PHC2: variants seen among roughly 807,000 people sequenced by gnomAD.
The protein encoded by PHC2 is polyhomeotic-like protein 2.
A neutral mutation model predicts 87.4 loss-of-function variants in PHC2; 29 were observed. The observed-to-expected ratio is 0.33, with a 90% confidence interval of 0.25 to 0.45. The LOEUF (loss-of-function observed/expected upper bound fraction) is 0.45. Among genes scored for constraint, PHC2 ranks in the 20% least tolerant of loss-of-function variants. PHC2 has a pLI of 1.00. For missense variants in PHC2, 857 were observed against 1,136.7 expected (o/e 0.75, Z 3.54); for synonymous variants, 438 against 461.7 (o/e 0.95, Z 0.66).
intron 1 of PHC2, among the ~76,000 whole-genome samples, chr1:33,377,184 G>T (rs1325657777): frequency 1.3e-5 from 2 of 152,182 alleles, no homozygotes; most frequent in Non-Finnish European, 2.9e-5. Flanking sequence ...TAATCAATTA[G>T]ATGTGACAGG....
chr1:33,422,760 CTT>C (rs2148406809), intron 1 of PHC2, among the ~76,000 whole-genome samples: 1 of 152,256 alleles, frequency 6.6e-6, no homozygotes, highest in African/African-American at 2.4e-5. Flanking sequence ...TTCTCTCTCT[CTT>C]ACTAGGCGGA....
intron 7 of PHC2, among the ~76,000 whole-genome samples, chr1:33,362,752 C>A (rs1450682828): frequency 5.5e-5 from 5 of 91,624 alleles, no homozygotes; most frequent in Non-Finnish European, 1.0e-4. Flanking sequence ...CTGTTCCATT[C>A]TTGAAACTTA....
rs1646917243 is a variant in PHC2, at chr1:33,349,530, C to T, written c.1558+4871G>A. ...GGGCACCGAGGGCGGTGCCCGACTT[C>T]CAGTGCGGCGAGCGCGGCCCCCGGC... On this transcript the variant is annotated intron_variant, in intron 9 of 14. Coordinates refer to ENST00000683057, the MANE Select transcript of PHC2 (RefSeq NM_001385109.1). The surrounding 1 kb of genome is among the most constrained non-coding windows in gnomAD (Gnocchi z 4.2). 1.0e-6 allele frequency: 1 copy of T among 983,404 alleles called. No individual in the cohort carries two copies. Among genetic ancestry groups the T allele is most frequent in the African/African-American group, 1.7e-5 (1 of 57,146 alleles). The allele number at this position is 983,404 out of a possible 1,614,324, so 60.9% of individuals were successfully genotyped here. A position where few individuals can be genotyped will look rare whatever the true frequency, so the allele number is the denominator to read the frequency against.
chr1:33,333,945 G>C, intron 10 of PHC2, 145 bp downstream of exon 10: 1 of 699,830 alleles, frequency 1.4e-6, no homozygotes, highest in Non-Finnish European at 2.4e-6. Context: ...AGAAAGAAAT[G>C]GCTCTATATT....
chr1:33,396,538 T>C (rs1379643285), intron 1 of PHC2, among the ~76,000 whole-genome samples: 1 of 152,240 alleles, frequency 6.6e-6, no homozygotes, highest in Non-Finnish European at 1.5e-5. Context: ...ATCCCTATCT[T>C]GCTAATTAGC....
rs1646512476 is a variant in PHC2, at chr1:33,332,112, C to T, written c.1891+163G>A. Among the ~76,000 whole-genome samples the T allele has an allele frequency of 6.6e-6, 1 of 152,230 alleles. No individual in the cohort carries two copies. The highest frequency in any genetic ancestry group is 1.9e-4 in the East Asian group (1 of 5,200). On this transcript the variant is annotated intron_variant, in intron 11 of 14. Transcript: ENST00000683057. This position sits in a 1 kb window ranked among gnomAD's most constrained non-coding sequence, Gnocchi z 4.2. ...GGACACATGGTTCCCGTGATTTCCCCTATCCCTCTTTTTGAGGGAAGGAGG... is the reference window on the plus strand; with the variant it reads ...GGACACATGGTTCCCGTGATTTCCCTTATCCCTCTTTTTGAGGGAAGGAGG...
Position 33,368,558 on chromosome 1 carries a change from G to A in PHC2, c.641C>T (p.Ala214Val), listed in dbSNP as rs1273019893. The change falls in exon 6 of 15, where the codon GCC becomes GTC. Residue 214 changes from alanine (A) to valine (V), a missense_variant. This residue lies in a region of PHC2 where 832 missense variants were observed against 1,081.8 expected (regional missense o/e 0.77). Coordinates refer to ENST00000683057, the MANE Select transcript of PHC2 (RefSeq NM_001385109.1). This position sits in a 1 kb window ranked among gnomAD's most constrained non-coding sequence, Gnocchi z 6.6. ...CACCTGGGCGGGGGTGGGGGGCCGG[G>A]CGGGGGAGCCAGTGCCGAGCTCAGG... ...VQPELGTGSP[A>V]RPPTPAQVQN... The A allele has an allele frequency of 2.6e-6, 4 of 1,544,922 alleles. No homozygotes were observed. The highest frequency in any genetic ancestry group is 3.5e-6 in the Non-Finnish European group (4 of 1,143,420).
In PHC2 at chr1:33,354,913, G is replaced by C. The variant is rs116374358; in HGVS notation, c.1317C>G (p.Gly439=). 1 of 1,614,138 alleles carries C rather than the reference G, an allele frequency of 6.2e-7. No homozygotes were observed. Among genetic ancestry groups the C allele is most frequent in the Non-Finnish European group, 8.5e-7 (1 of 1,179,980 alleles). The change falls in exon 8 of 15, where the codon GGC becomes GGG. Residue 439 remains glycine, a synonymous_variant. Transcript: ENST00000683057. ...ACCTGCGTTGAGGGGTGTGGGGCAC[G>C]CCCTCGGGATGTCCATTCTGAGGCC... ...DTGPQNGHPE[G]VPHTPQRRFQ... is the part of the protein sequence containing the mutation.
At chr1:33,373,340 C>G (rs571803630) in intron 2 of PHC2, among the ~76,000 whole-genome samples, 1 of 152,088 alleles carries the variant, frequency 6.6e-6, no homozygotes. Context: ...AGGCTGGTCT[C>G]GAACTCCTGA....
intron 1 of PHC2, among the ~76,000 whole-genome samples, chr1:33,402,263 A>C (rs941441751): frequency 6.6e-6 from 1 of 152,230 alleles, no homozygotes; most frequent in African/African-American, 2.4e-5. Context: ...TGAAATTGGC[A>C]ACAATTCTAG....
At chr1:33,409,321 A>G (rs540074924) in intron 1 of PHC2, among the ~76,000 whole-genome samples, 1 of 152,224 alleles carries the variant, frequency 6.6e-6, no homozygotes. Context: ...ATATAATAGA[A>G]TATCATATTT....
chr1:33,333,923 A>C, intron 10 of PHC2, 167 bp downstream of exon 10: 1 of 649,782 alleles, frequency 1.5e-6, no homozygotes, highest in East Asian at 2.8e-5. Flanking sequence ...TGGACCTTGG[A>C]AAGATAATCC....
chr1:33,392,479 T>C (rs1019852954), intron 1 of PHC2, among the ~76,000 whole-genome samples: 1 of 152,230 alleles, frequency 6.6e-6, no homozygotes, highest in African/African-American at 2.4e-5. Context: ...CACTCGTTTA[T>C]TCACTTCACT....
In PHC2 at chr1:33,355,112, T is replaced by C. The variant is rs1647045821; in HGVS notation, c.1118A>G (p.Glu373Gly). 1 of 1,611,226 alleles carries C rather than the reference T, an allele frequency of 6.2e-7. No individual in the cohort carries two copies. Among genetic ancestry groups the C allele is most frequent in the South Asian group, 1.1e-5 (1 of 90,822 alleles). The change falls in exon 8 of 15, where the codon GAG (glutamate) becomes GGG (glycine). Residue 373 changes from glutamate (E) to glycine (G), a missense_variant. Physicochemically the swap from Glu to Gly is moderately conservative, Grantham distance 98 (BLOSUM62 -2). Coordinates refer to ENST00000683057, the MANE Select transcript of PHC2 (RefSeq NM_001385109.1). ...GACTGAGGCGAGCTGGGGGTGGGGC[T>C]CAGCTTGGAGCACAGGCCGTGACTG... is the stretch of plus-strand genomic sequence containing the variant. The part of the protein sequence containing the change: ...PQQSRPVLQA[E>G]PHPQLASVSP...
chr1:33,360,976 C>G (rs369808869), intron 7 of PHC2, among the ~76,000 whole-genome samples: 227 of 152,288 alleles, frequency 1.5e-3, no homozygotes, highest in African/African-American at 5.1e-3. Context: ...GAGCGAGTAC[C>G]GCAAGCCTAG....
At position 33,349,835 on chromosome 1, in the gene PHC2, C is replaced by T; in HGVS notation, c.1558+4566G>A. 1.0e-6 allele frequency: 1 copy of T among 975,446 alleles called. No homozygotes were observed. The highest frequency in any genetic ancestry group is 1.2e-6 in the Non-Finnish European group (1 of 824,092). 60.4% of individuals were successfully genotyped at this position (975,446 alleles called of 1,614,324 possible). A position where few individuals can be genotyped will look rare whatever the true frequency, so the allele number is the denominator to read the frequency against. On this transcript the variant is annotated intron_variant, in intron 9 of 14. Transcript: ENST00000683057. This position sits in a 1 kb window ranked among gnomAD's most constrained non-coding sequence, Gnocchi z 4.2. ...GAGGCCGGGGCGGGAGCGCGGGCGG[C>T]GGCCGGGGTTGCGCGCGCGCGCGCG...
intron 1 of PHC2, among the ~76,000 whole-genome samples, chr1:33,416,090 A>G (rs1395945459): frequency 1.3e-5 from 2 of 152,152 alleles, no homozygotes; most frequent in Admixed American, 1.3e-4. Context: ...GGAAGGGAAC[A>G]TAAAAAAATA....
In PHC2 at chr1:33,354,895, T is replaced by C; in HGVS notation, c.1335A>G (p.Gln445=). 1.2e-6 allele frequency: 2 copies of C among 1,614,194 alleles called. No homozygotes were observed. The highest frequency in any genetic ancestry group is 2.2e-5 in the East Asian group (1 of 44,882). ...GHPEGVPHTP[Q]RRFQHTSAVI... is the part of the protein sequence containing the mutation. ...CAGCTGAAGTGTGCTGGAACCTGCG[T>C]TGAGGGGTGTGGGGCACGCCCTCGG... Residue 445 remains glutamine, a synonymous_variant, in exon 8 of 15, where the codon CAA becomes CAG. Transcript: ENST00000683057.
At chr1:33,401,183 G>A (rs984401036) in intron 1 of PHC2, among the ~76,000 whole-genome samples, 15 of 151,978 alleles carry the variant, frequency 9.9e-5, no homozygotes, top group Non-Finnish European at 1.9e-4. Context: ...AAAATTAGCC[G>A]GGTGTGGTGG....
Sources: gnomAD v4.1 joint callset for allele counts (sites outside exome capture counted in the v4.1 genomes callset) on GRCh38, gnomAD v4.1.1 for gene constraint, gnomAD v4.1.1 regional missense constraint, Gnocchi (gnomAD v3.1) non-coding constraint, MANE v1.5 for transcripts, NCBI Gene and HGNC (gene_info 2026-07-23, HGNC 2026-07-21) for gene names.